The following BAX variants were observed in gnomAD, a reference collection of about 807,000 sequenced individuals.
BAX encodes the protein BCL2 associated X, apoptosis regulator, also known as apoptosis regulator BAX.
In BAX, 21 loss-of-function variants were observed where a neutral mutation model predicts 26.8. The ratio of observed to expected loss-of-function variants is 0.78; its 90% confidence interval spans 0.56 to 1.13. BAX has a LOEUF of 1.13. Among genes scored for constraint, BAX ranks in the 50% most tolerant of loss-of-function variants. BAX has a pLI of 0.00. For missense variants in BAX, 236 were observed against 254.6 expected, an observed-to-expected ratio of 0.93 and a Z score of 0.50; for synonymous variants, 110 against 101.8, an observed-to-expected ratio of 1.08 and a Z score of -0.49.
In BAX at chr19:48,955,598, G is replaced by C. The variant is rs1216433893; in HGVS notation, c.85G>C (p.Gly29Arg). Residue 29 changes from glycine to arginine, a missense_variant and splice_region_variant, in exon 2 of 6, where the codon GGT (glycine) becomes CGT (arginine). By Grantham distance (125) the Gly-to-Arg change is moderately radical. Coordinates refer to ENST00000345358, the MANE Select transcript of BAX (RefSeq NM_138761.4). Reference protein sequence around the residue: ...IMKTGALLLQGFIQDRAGRMG... With the variant: ...IMKTGALLLQRFIQDRAGRMG... Reference sequence around the variant, plus strand: ...GAAGACAGGGGCCCTTTTGCTTCAGGGGTGAGTTTGAGGTCTGATTATTGT... The same window carrying C: ...GAAGACAGGGGCCCTTTTGCTTCAGCGGTGAGTTTGAGGTCTGATTATTGT... 1 of 1,613,862 alleles carries C rather than the reference G, an allele frequency of 6.2e-7. No individual in the cohort carries two copies. The highest frequency in any genetic ancestry group is 8.5e-7 in the Non-Finnish European group (1 of 1,179,906).
Position 48,960,803 on chromosome 19 carries a change from C to T in BAX, c.370-7C>T. On this transcript the variant is annotated splice_polypyrimidine_tract_variant and splice_region_variant and intron_variant, in intron 4 of 5. Coordinates refer to ENST00000345358, the MANE Select transcript of BAX (RefSeq NM_138761.4). ...TCAGTCCCTAACGCCCACTCCACTC[C>T]CCACAGGCCCTGTGCACCAAGGTGC... is the stretch of plus-strand genomic sequence containing the variant. The T allele has an allele frequency of 6.2e-7, 1 of 1,602,516 alleles. No individual in the cohort carries two copies. Among genetic ancestry groups the T allele is most frequent in the Non-Finnish European group, 8.5e-7 (1 of 1,171,148 alleles).
At chr19:48,961,296 A>G (rs540621335) in intron 5 of BAX, 62 of 1,403,804 alleles carry the variant, frequency 4.4e-5, no homozygotes, top group East Asian at 2.3e-4. Context: ...TATGTTGCCC[A>G]GGTTGGTCTC....
At chr19:48,956,027 T>C (rs1047305794) in intron 3 of BAX, 171 bp from the exon 4 acceptor site, 2 of 1,148,576 alleles carry the variant, frequency 1.7e-6, no homozygotes, top group African/African-American at 3.1e-5. Flanking sequence ...TTTTCCCACC[T>C]TCCTAAATGT....
intron 4 of BAX, among the ~76,000 whole-genome samples, chr19:48,957,271 T>C (rs1308490233): frequency 2.4e-4 from 28 of 116,352 alleles, no homozygotes; most frequent in African/African-American, 8.5e-4. Context: ...TTTTCTTTTT[T>C]TTTTTTTTTT....
At chr19:48,960,352 C>T (rs1335390723) in intron 4 of BAX, 2 of 355,778 alleles carry the variant, frequency 5.6e-6, no homozygotes, top group Non-Finnish European at 1.1e-5. Flanking sequence ...TGCCACCACA[C>T]CCAGCTAATT....
chr19:48,961,579 C>T lies in BAX; in HGVS notation c.522C>T (p.Thr174=), dbSNP rs983493121. 1.1e-5 allele frequency: 18 copies of T among 1,611,860 alleles called. No individual in the cohort carries two copies. Among genetic ancestry groups the T allele is most frequent in the Middle Eastern group, 3.3e-4 (2 of 6,084 alleles). ...YFGTPTWQTV[T]IFVAGVLTAS... is the part of the protein sequence containing the mutation. ...GGACGCCCACGTGGCAGACCGTGAC[C>T]ATCTTTGTGGCGGGAGTGCTCACCG... Residue 174 remains threonine, a synonymous_variant, in exon 6 of 6, where the codon ACC becomes ACT. Transcript: ENST00000345358.
At chr19:48,955,967 C>G (rs1425076102) in intron 3 of BAX, 134 bp downstream of exon 3, 4 of 1,199,814 alleles carry the variant, frequency 3.3e-6, no homozygotes, top group Non-Finnish European at 4.5e-6. Flanking sequence ...ATTCCGGACT[C>G]CCAGCCCTCC....
At position 48,961,773 on chromosome 19, in the gene BAX, G is replaced by T; in HGVS notation, c.*137G>T. 1.2e-6 allele frequency: 1 copy of T among 804,676 alleles called. No individual in the cohort carries two copies. Among genetic ancestry groups the T allele is most frequent in the Non-Finnish European group, 1.9e-6 (1 of 513,070 alleles). 49.8% of individuals were successfully genotyped at this position (804,676 alleles called of 1,614,324 possible). On this transcript the variant is annotated 3_prime_UTR_variant, in exon 6 of 6. Transcript: ENST00000345358. ...GGTGTGGGGAAGAGTGGTCTTGAGG[G>T]GGTAATAAACCTCCTTCGGGACACA...
intron 4 of BAX, among the ~76,000 whole-genome samples, chr19:48,958,256 CTG>C (rs1011944834): frequency 2.7e-5 from 4 of 150,794 alleles, no homozygotes; most frequent in Non-Finnish European, 5.9e-5. Context: ...GCCCCACTAA[CTG>C]TTGCATTAGT....
Position 48,957,415 on chromosome 19 carries a change from C to T in BAX, c.369+1082C>T, listed in dbSNP as rs1206896972. Among the ~76,000 whole-genome samples the T allele has an allele frequency of 3.3e-5, 5 of 150,324 alleles. No homozygotes were observed. In the East Asian group the frequency reaches 8.1e-4, roughly 24 times the overall value. On this transcript the variant is annotated intron_variant, in intron 4 of 5. Coordinates refer to ENST00000345358, the MANE Select transcript of BAX (RefSeq NM_138761.4). ...TTAGCCTCCCAAGTAGCTAGAATTACAGGCACACACCACCATGCCTGGCTA... is the reference window on the plus strand; with the variant it reads ...TTAGCCTCCCAAGTAGCTAGAATTATAGGCACACACCACCATGCCTGGCTA...
At chr19:48,954,991 A>G in intron 1 of BAX, 29 bp downstream of exon 1, 3 of 1,228,806 alleles carry the variant, frequency 2.4e-6, no homozygotes, top group South Asian at 7.8e-5. Flanking sequence ...GGGCGGGAGG[A>G]GGGCGAGCCC....
At chr19:48,961,392 C>T (rs2038354608) in intron 5 of BAX, 140 bp from the exon 6 acceptor site, 1 of 1,180,398 alleles carries the variant, frequency 8.5e-7, no homozygotes, top group East Asian at 2.6e-5. Flanking sequence ...TGGCCTGAGT[C>T]CAGCTCTTTA....
intron 4 of BAX, among the ~76,000 whole-genome samples, chr19:48,958,117 G>A (rs577332424): frequency 6.6e-6 from 1 of 151,494 alleles, no homozygotes; most frequent in Non-Finnish European, 1.5e-5. Flanking sequence ...AAGAGGTAGG[G>A]TCTTGCTCTG....
intron 1 of BAX, chr19:48,955,180 C>A: frequency 1.8e-6 from 1 of 546,110 alleles, no homozygotes; most frequent in Non-Finnish European, 2.8e-6. Context: ...CTCGGACCCT[C>A]GAGAACCAGG....
chr19:48,961,511 G>A lies in BAX; in HGVS notation c.475-21G>A, dbSNP rs781589645. On this transcript the variant is annotated intron_variant, in intron 5 of 5. Coordinates refer to ENST00000345358, the MANE Select transcript of BAX (RefSeq NM_138761.4). The stretch of plus-strand genomic sequence containing the variant: ...CTGCCCCTGGCCGAGTCACTGAAGC[G>A]ACTGATGTCCCTGTCTCCAGGACGG... 15 of 1,583,516 alleles carry A rather than the reference G, an allele frequency of 9.5e-6. No homozygotes were observed. In the South Asian group the frequency reaches 1.4e-4, roughly 14 times the overall value.
rs1393874562 is a variant in BAX at position 48,961,636 on chromosome 19, AG to A, written c.*2del. On this transcript the variant is annotated 3_prime_UTR_variant, in exon 6 of 6. Coordinates refer to ENST00000345358, the MANE Select transcript of BAX (RefSeq NM_138761.4). ...TCACCATCTGGAAGAAGATGGGCTG[AG>A]GCCCCCAGCTGCCTTGGACTGTGTT... 1.9e-6 allele frequency: 3 copies of A among 1,592,234 alleles called. No individual in the cohort carries two copies. In the African/African-American group the frequency reaches 4.1e-5, roughly 22 times the overall value.
intron 4 of BAX, among the ~76,000 whole-genome samples, chr19:48,958,544 C>T (rs7508566): frequency 0.26 from 1,471 of 5,718 alleles, 19 homozygotes; most frequent in Non-Finnish European, 0.29. Context: ...TTCTTTCTTT[C>T]TTTTTTTTTT....
In BAX at chr19:48,961,184, C is replaced by T. The variant is rs910082433; in HGVS notation, c.474+270C>T. On this transcript the variant is annotated intron_variant, in intron 5 of 5. Transcript: ENST00000345358. ...GACTTGATTAGTGCCTTCTGCCCTC[C>T]CTGGAGCCTCCACTGCCTCTGGAAT... 7.3e-6 allele frequency: 11 copies of T among 1,508,868 alleles called. No homozygotes were observed. In the African/African-American group the frequency reaches 1.4e-4, roughly 19 times the overall value. 93.5% of individuals were successfully genotyped at this position (1,508,868 alleles called of 1,614,324 possible).
chr19:48,959,671 A>T (rs984624337), intron 4 of BAX, among the ~76,000 whole-genome samples: 2 of 150,904 alleles, frequency 1.3e-5, no homozygotes, highest in African/African-American at 4.9e-5. Flanking sequence ...AAAAAAAAAA[A>T]AAAAAATAGC....
Sources: allele counts gnomAD v4.1 joint callset (sites outside exome capture counted in the v4.1 genomes callset), GRCh38; gene constraint gnomAD v4.1.1; transcripts MANE v1.5; gene names NCBI Gene and HGNC (gene_info 2026-07-23, HGNC 2026-07-21).